MALRD1: variants seen among roughly 807,000 people sequenced by gnomAD.
MALRD1 encodes the protein MAM and LDL receptor class A domain containing 1, also known as MAM and LDL-receptor class A domain-containing protein 1.
In MALRD1, 247 loss-of-function variants were observed where a neutral mutation model predicts 242.1. The observed-to-expected ratio is 1.02, with a 90% CI of 0.92 to 1.13. The LOEUF is 1.13. MALRD1 is among the 50% of genes most tolerant of loss of function. The pLI is 0.00. For synonymous variants in MALRD1, 995 were observed against 866.6 expected (o/e 1.15, Z -2.60); for missense variants, 2,989 against 2,533.1 (o/e 1.18, Z -3.86).
At chr10:19,689,478 T>C (rs903067809) in intron 36 of MALRD1, among the ~76,000 whole-genome samples, 5 of 152,126 alleles carry the variant, frequency 3.3e-5, no homozygotes, top group Non-Finnish European at 2.9e-5. Context: ...TTCTTCACTA[T>C]AGAAAAATGC....
At chr10:19,189,358 G>C (rs989121980) in intron 14 of MALRD1, among the ~76,000 whole-genome samples, 3 of 152,090 alleles carry the variant, frequency 2.0e-5, no homozygotes, top group African/African-American at 7.2e-5. Context: ...TGTCCCATTA[G>C]TGTCAGTGGT....
At chr10:19,415,528 C>A (rs1179242633) in intron 28 of MALRD1, among the ~76,000 whole-genome samples, 1 of 151,812 alleles carries the variant, frequency 6.6e-6, no homozygotes, top group African/African-American at 2.4e-5. Context: ...AAATGACAAC[C>A]AATGTACTAT....
intron 28 of MALRD1, among the ~76,000 whole-genome samples, chr10:19,399,346 C>T (rs1846726184): frequency 6.6e-6 from 1 of 152,132 alleles, no homozygotes; most frequent in South Asian, 2.1e-4. Context: ...TAGGGCATTG[C>T]TTGAAAAATT....
intron 2 of MALRD1, among the ~76,000 whole-genome samples, chr10:19,068,973 A>G (rs537659750): frequency 1.3e-5 from 2 of 152,248 alleles, no homozygotes; most frequent in Admixed American, 1.3e-4. Context: ...AGAATGTAAC[A>G]TTGCATATAG....
intron 1 of MALRD1, chr10:19,051,517 T>A (rs980363931): frequency 1.2e-4 from 24 of 193,750 alleles, no homozygotes; most frequent in Non-Finnish European, 1.3e-4. Context: ...TGGAAAAACT[T>A]GAAGGCCAGA....
intron 18 of MALRD1, among the ~76,000 whole-genome samples, chr10:19,220,180 T>C (rs888756565): frequency 6.6e-5 from 10 of 152,174 alleles, no homozygotes; most frequent in African/African-American, 2.4e-4. Context: ...ACATCTCACT[T>C]TCTCCTGGCT....
At chr10:19,544,312 C>T (rs144038255) in intron 32 of MALRD1, among the ~76,000 whole-genome samples, 5,404 of 152,104 alleles carry the variant, frequency 0.036, 144 homozygotes, top group Non-Finnish European at 0.051. Context: ...CTCAGCCTCC[C>T]AATTAGCTGG....
chr10:19,300,330 G>T (rs558972189), intron 21 of MALRD1, among the ~76,000 whole-genome samples: 1 of 151,964 alleles, frequency 6.6e-6, no homozygotes, highest in African/African-American at 2.4e-5. Flanking sequence ...CTATCAAATT[G>T]TCAATGACAT....
Position 19,498,561 on chromosome 10 carries a change from T to C in MALRD1, c.5235T>C (p.Thr1745=). ...SGNWTTACSL[T]QDSEDDLDWA... is the part of the protein sequence containing the mutation. ...ACTGGACCACAGCCTGCAGTCTTACTCAAGACTCTGAGGATGACTTGGACT... is the reference window on the plus strand; with the variant it reads ...ACTGGACCACAGCCTGCAGTCTTACCCAAGACTCTGAGGATGACTTGGACT... The change falls in exon 31 of 40, where the codon ACT becomes ACC. Residue 1745 remains threonine, a synonymous_variant. Transcript: ENST00000454679. The C allele has an allele frequency of 3.2e-6, 5 of 1,550,158 alleles. No individual in the cohort carries two copies. Among genetic ancestry groups the C allele is most frequent in the Non-Finnish European group, 4.4e-6 (5 of 1,146,798 alleles).
chr10:19,306,296 AGTGT>A (rs1335164235), intron 21 of MALRD1, among the ~76,000 whole-genome samples: 3 of 139,278 alleles, frequency 2.2e-5, no homozygotes, highest in South Asian at 2.2e-4. Context: ...TAGTATATAT[AGTGT>A]CGTATATATA....
chr10:19,261,454 A>G (rs1294640149), intron 19 of MALRD1, among the ~76,000 whole-genome samples: 2 of 152,008 alleles, frequency 1.3e-5, no homozygotes, highest in African/African-American at 2.4e-5. Flanking sequence ...CGTAAAAAAA[A>G]AAAAAAATGT....
intron 33 of MALRD1, among the ~76,000 whole-genome samples, chr10:19,580,963 T>A (rs1344611729): frequency 1.3e-5 from 2 of 152,104 alleles, no homozygotes; most frequent in African/African-American, 2.4e-5. Context: ...GTTCCATCTT[T>A]CTAGGAATAT....
chr10:19,065,720 C>T (rs544529569), intron 1 of MALRD1, among the ~76,000 whole-genome samples: 1 of 152,166 alleles, frequency 6.6e-6, no homozygotes. Flanking sequence ...TGCTCCAGGT[C>T]TTCTGTTTCT....
intron 21 of MALRD1, among the ~76,000 whole-genome samples, chr10:19,288,229 A>G (rs1467973634): frequency 6.6e-6 from 1 of 152,092 alleles, no homozygotes; most frequent in Non-Finnish European, 1.5e-5. Context: ...GTTTTGATAC[A>G]GGCATGCAAT....
rs915308820 is a variant in MALRD1 at position 19,272,429 on chromosome 10, G to T, written c.3080-7618G>T. The stretch of plus-strand genomic sequence containing the variant: ...TAATCCAATTGGAAAAAGAATAGGA[G>T]ATATGAACCATCAGTTATAAGCCAG... On this transcript the variant is annotated intron_variant, in intron 19 of 39. Transcript: ENST00000454679. 2.0e-5 allele frequency among the ~76,000 whole-genome samples: 3 copies of T among 152,216 alleles called. No individual in the cohort carries two copies. In the East Asian group the frequency reaches 5.8e-4, roughly 29 times the overall value.
chr10:19,602,134 A>G (rs144350383), intron 34 of MALRD1, among the ~76,000 whole-genome samples: 1 of 147,484 alleles, frequency 6.8e-6, no homozygotes, highest in Admixed American at 6.7e-5. Context: ...GCATCCTGCA[A>G]GTCTATCAGT....
chr10:19,406,714 T>C (rs1039086004), intron 28 of MALRD1, among the ~76,000 whole-genome samples: 2 of 152,016 alleles, frequency 1.3e-5, no homozygotes, highest in Admixed American at 1.3e-4. Flanking sequence ...TAAAAATAAA[T>C]AAATAAATAA....
intron 12 of MALRD1, among the ~76,000 whole-genome samples, chr10:19,156,290 T>C (rs1487287898): frequency 6.6e-6 from 1 of 151,892 alleles, no homozygotes; most frequent in African/African-American, 2.4e-5. Flanking sequence ...GATACTTTCT[T>C]TTCCTTTCTT....
At chr10:19,292,825 G>A (rs894771505) in intron 21 of MALRD1, among the ~76,000 whole-genome samples, 24 of 149,718 alleles carry the variant, frequency 1.6e-4, no homozygotes, top group African/African-American at 4.7e-4. Flanking sequence ...CCTGGGAGGC[G>A]GAGCTTGCAG....
Sources: allele counts gnomAD v4.1 joint callset (sites outside exome capture counted in the v4.1 genomes callset), GRCh38; gene constraint gnomAD v4.1.1; transcripts MANE v1.5; gene names NCBI Gene and HGNC (gene_info 2026-07-23, HGNC 2026-07-21).